The following KLK15 variants were observed in gnomAD, a reference collection of about 807,000 sequenced individuals.
KLK15 encodes kallikrein-15.
KLK15 carries 19 observed loss-of-function variants against 21.1 expected under a neutral mutation model. That is an observed-to-expected ratio of 0.90 (90% CI 0.63 to 1.32). The LOEUF (loss-of-function observed/expected upper bound fraction) is 1.32, where lower values mean the gene tolerates loss of function less well. KLK15 is among the 40% of genes most tolerant of loss of function. The pLI is 0.00. For synonymous variants in KLK15, 141 were observed against 141.5 expected, an observed-to-expected ratio of 1.00 and a Z score of 0.03; for missense variants, 345 against 348.6, an observed-to-expected ratio of 0.99 and a Z score of 0.08.
At chr19:50,825,538 C>T (rs3212853), downstream of KLK15, 9,146 of 349,582 alleles carry the variant, frequency 0.026, 173 homozygotes, top group Non-Finnish European at 0.035. Flanking sequence ...TACAGTGTCT[C>T]GGGGTTTCTC....
chr19:50,826,194 A>G (rs1428886478), intron 4 of KLK15: 5 of 511,798 alleles, frequency 9.8e-6, no homozygotes, highest in Middle Eastern at 5.0e-4. Flanking sequence ...ATGCAACTCC[A>G]GTGCAACTGT....
intron 2 of KLK15, 33 bp downstream of exon 3, chr19:50,827,629 C>T (rs769932616): frequency 1.9e-6 from 3 of 1,594,806 alleles, no homozygotes; most frequent in South Asian, 2.2e-5. Flanking sequence ...CCGAACCAGG[C>T]TCCCTCAGGA....
At chr19:50,831,219 C>G in intron 1 of KLK15, 1 of 394,406 alleles carries the variant, frequency 2.5e-6, no homozygotes, top group Non-Finnish European at 4.5e-6. Context: ...ACCCCAGGAC[C>G]GTGTTCCTTG....
upstream of KLK15, chr19:50,831,524 C>G: frequency 6.9e-7 from 1 of 1,453,800 alleles, no homozygotes. Flanking sequence ...CGGCTGCAGT[C>G]TGGGGAGGGA....
At chr19:50,828,665 A>T (rs756116120) in intron 1 of KLK15, among the ~76,000 whole-genome samples, 1 of 151,668 alleles carries the variant, frequency 6.6e-6, no homozygotes, top group Non-Finnish European at 1.5e-5. Context: ...CATGGGTTGC[A>T]GCTTCAAGAA....
At chr19:50,832,016 T>C (rs2089997244), upstream of KLK15, among the ~76,000 whole-genome samples, 1 of 151,710 alleles carries the variant, frequency 6.6e-6, no homozygotes, top group Non-Finnish European at 1.5e-5. Context: ...AGAGACAGGG[T>C]TTCACCGTGT....
At chr19:50,833,092 C>T (rs1006550616), upstream of KLK15, 2 of 152,312 alleles carry the variant, frequency 1.3e-5, no homozygotes, top group Non-Finnish European at 2.9e-5. Context: ...GCGCAGATGC[C>T]CCATACTTGC....
At chr19:50,831,672 C>T (rs2123425233), upstream of KLK15, 1 of 456,320 alleles carries the variant, frequency 2.2e-6, no homozygotes, top group Non-Finnish European at 3.8e-6. Context: ...GCGCTTCCTT[C>T]TGGGTCCCCC....
upstream of KLK15, among the ~76,000 whole-genome samples, chr19:50,832,290 G>C (rs2090001774): frequency 6.7e-6 from 1 of 149,656 alleles, no homozygotes; most frequent in Non-Finnish European, 1.5e-5. Flanking sequence ...ATAAAGTCCA[G>C]CTCTTCAAAT....
exon 5 of KLK15, chr19:50,825,854 A>G (rs760272471): frequency 6.2e-7 from 1 of 1,613,976 alleles, no homozygotes; most frequent in South Asian, 1.1e-5. Flanking sequence ...TTTGGTATAG[A>G]CACCAGGCTT....
At chr19:50,832,783 C>T (rs2090012976), upstream of KLK15, among the ~76,000 whole-genome samples, 1 of 152,180 alleles carries the variant, frequency 6.6e-6, no homozygotes, top group South Asian at 2.1e-4. Flanking sequence ...CCCTTCCAGC[C>T]CCGCTTCCTC....
chr19:50,826,110 A>ACCCAAC (rs1268587109), intron 4 of KLK15, 162 bp from the exon 6 acceptor site: 10 of 661,102 alleles, frequency 1.5e-5, no homozygotes, highest in East Asian at 2.8e-5. Flanking sequence ...AACAGAGCCA[A>ACCCAAC]CCCAACCCCA....
In KLK15 at chr19:50,827,690, C is replaced by T. The variant is rs1314431027; in HGVS notation, c.169G>A (p.Val57Met). The T allele has an allele frequency of 6.8e-6, 11 of 1,611,100 alleles. 1 individual carries two copies. The Admixed American group carries it at 1.0e-4, about 15-fold the overall frequency. ...CTTTGGCAGTGGGCCGCAGACAGCA[C>T]CCAGTGTGGGGAGATGAGGGAAGCG... The change falls in exon 2 of 5, where the codon GTG (valine) becomes ATG (methionine). Residue 57 changes from valine (V) to methionine (M), a missense_variant. Physicochemically the swap from Val to Met is conservative, Grantham distance 21 (BLOSUM62 1). Transcript: ENST00000598239.
exon 3 of KLK15, chr19:50,826,900 G>T (rs1270808246): frequency 6.4e-7 from 1 of 1,565,852 alleles, no homozygotes. Context: ...GGCTCCCAGC[G>T]GTCCCAGGCT....
chr19:50,826,954 C>G (rs2089890300), exon 3 of KLK15: 3 of 1,604,612 alleles, frequency 1.9e-6, no homozygotes, highest in Non-Finnish European at 2.5e-6. Flanking sequence ...CACAGGCCTC[C>G]CCCGGGTGGG....
chr19:50,832,169 C>T (rs377287593), upstream of KLK15, among the ~76,000 whole-genome samples: 1 of 151,614 alleles, frequency 6.6e-6, no homozygotes, highest in African/African-American at 2.4e-5. Context: ...CAGTCCAGTC[C>T]CCTCCACCAG....
chr19:50,827,358 C>T (rs1240858638), intron 2 of KLK15, among the ~76,000 whole-genome samples, 197 bp from the exon 4 acceptor site: 2 of 151,656 alleles, frequency 1.3e-5, no homozygotes, highest in South Asian at 2.1e-4. Flanking sequence ...AGTCTGAAGT[C>T]AGGCACACTC....
intron 1 of KLK15, chr19:50,830,453 C>G (rs1022049321): frequency 1.3e-5 from 2 of 152,020 alleles, no homozygotes; most frequent in Admixed American, 1.3e-4. Context: ...GGTCGTCCTC[C>G]GAAGGGCGGA....
At chr19:50,831,880 C>T (rs1005482701), upstream of KLK15, among the ~76,000 whole-genome samples, 12 of 151,564 alleles carry the variant, frequency 7.9e-5, no homozygotes, top group Admixed American at 2.0e-4. Flanking sequence ...GGCACAATGT[C>T]GGCTCACTGC....
Sources: allele counts gnomAD v4.1 joint callset (sites outside exome capture counted in the v4.1 genomes callset), GRCh38; gene constraint gnomAD v4.1.1; transcripts MANE v1.5; gene names NCBI Gene and HGNC (gene_info 2026-07-23, HGNC 2026-07-21).